Variants in CSMD1 observed in about 807,000 individuals in gnomAD.
The protein encoded by CSMD1 is CUB and sushi domain-containing protein 1.
Under a neutral mutation model 417.5 loss-of-function variants are expected in CSMD1, and 213 were observed. That is an observed-to-expected ratio of 0.51 (90% CI 0.46 to 0.57). The LOEUF (loss-of-function observed/expected upper bound fraction) is 0.57. Ranked by LOEUF, CSMD1 falls within the 20% of genes least tolerant of loss-of-function variation. CSMD1 has a pLI of 0.00. For missense variants in CSMD1, 6,923 were observed against 4,529.7 expected, an observed-to-expected ratio of 1.53 and a Z score of -15.17; for synonymous variants, 2,862 against 1,736.8, an observed-to-expected ratio of 1.65 and a Z score of -16.11.
rs113110036 is a variant in CSMD1 at position 3,480,127 on chromosome 8, G to C, written c.1449-11303C>G. Among the ~76,000 whole-genome samples, 5 of 152,256 alleles carry C rather than the reference G, an allele frequency of 3.3e-5. 1 individual carries two copies. The highest frequency in any genetic ancestry group is 1.2e-4 in the African/African-American group (5 of 41,552). On this transcript the variant is annotated intron_variant, in intron 11 of 69. Coordinates refer to ENST00000635120, the MANE Select transcript of CSMD1 (RefSeq NM_033225.6). ...TAATCTCAGCACTTTGGGAGGCCTA[G>C]GTGGATGGATTGCCTGAGCTCAGGA... is the stretch of plus-strand genomic sequence containing the variant.
At chr8:4,097,080 T>G (rs987942726) in intron 3 of CSMD1, among the ~76,000 whole-genome samples, 1 of 152,192 alleles carries the variant, frequency 6.6e-6, no homozygotes, top group Non-Finnish European at 1.5e-5. Flanking sequence ...TTTAATTATG[T>G]ACTACAAAAA....
At chr8:4,173,966 T>G (rs1289657871) in intron 3 of CSMD1, among the ~76,000 whole-genome samples, 3 of 152,122 alleles carry the variant, frequency 2.0e-5, no homozygotes, top group Non-Finnish European at 2.9e-5. Context: ...ACAAAAAACT[T>G]TCTCCTGACT....
intron 2 of CSMD1, among the ~76,000 whole-genome samples, chr8:4,583,254 C>A (rs556650888): frequency 6.6e-6 from 1 of 152,156 alleles, no homozygotes; most frequent in Non-Finnish European, 1.5e-5. Flanking sequence ...CACCTGCAGC[C>A]GTGGTGCGGG....
intron 12 of CSMD1, among the ~76,000 whole-genome samples, chr8:3,441,492 C>CATATATATATATATATGT (rs1554553652): frequency 6.9e-6 from 1 of 143,970 alleles, no homozygotes; most frequent in Non-Finnish European, 1.5e-5. Flanking sequence ...CATATAATTT[C>CATATATATATATATATGT]ATATATATAT....
intron 12 of CSMD1, among the ~76,000 whole-genome samples, chr8:3,444,843 A>G (rs1247422303): frequency 1.3e-5 from 2 of 152,320 alleles, no homozygotes; most frequent in South Asian, 2.1e-4. Context: ...AGTAAATACA[A>G]AAAGAAGCAA....
chr8:4,862,701 A>C (rs971029028), intron 1 of CSMD1, among the ~76,000 whole-genome samples: 1 of 152,106 alleles, frequency 6.6e-6, no homozygotes, highest in Middle Eastern at 3.2e-3. Context: ...AAGCAAGGCC[A>C]TGGGAGGAAC....
At chr8:3,057,380 T>G (rs1410042498) in intron 49 of CSMD1, among the ~76,000 whole-genome samples, 1 of 152,134 alleles carries the variant, frequency 6.6e-6, no homozygotes, top group African/African-American at 2.4e-5. Context: ...AAATTCAAAA[T>G]CAGGGTCATT....
chr8:3,866,078 T>C (rs1805081592), intron 5 of CSMD1, among the ~76,000 whole-genome samples: 1 of 152,190 alleles, frequency 6.6e-6, no homozygotes, highest in Non-Finnish European at 1.5e-5. Context: ...AAAAATTCTA[T>C]TCATGAGCTT....
chr8:4,306,863 C>G (rs1326555239), intron 3 of CSMD1, among the ~76,000 whole-genome samples: 1 of 151,890 alleles, frequency 6.6e-6, no homozygotes, highest in African/African-American at 2.4e-5. Flanking sequence ...TTTTCAATCT[C>G]TTTTTGCAAA....
intron 25 of CSMD1, among the ~76,000 whole-genome samples, chr8:3,299,562 G>A (rs1023295908): frequency 1.7e-5 from 1 of 58,142 alleles, no homozygotes; most frequent in Non-Finnish European, 4.3e-5. Flanking sequence ...CCAAGGTCTG[G>A]CAGATAAAAG....
At chr8:2,999,228 C>T (rs144485867) in intron 53 of CSMD1, among the ~76,000 whole-genome samples, 123 of 147,122 alleles carry the variant, frequency 8.4e-4, no homozygotes, top group South Asian at 5.1e-3. Context: ...GATCTCTGCT[C>T]ACTGCAACCT....
At chr8:4,047,006 T>G (rs2130669393) in intron 3 of CSMD1, among the ~76,000 whole-genome samples, 1 of 152,322 alleles carries the variant, frequency 6.6e-6, no homozygotes, top group African/African-American at 2.4e-5. Flanking sequence ...GATGCATGAC[T>G]TAGCCCTATA....
chr8:3,455,983 T>A (rs1197329576), intron 12 of CSMD1, among the ~76,000 whole-genome samples: 131 of 152,298 alleles, frequency 8.6e-4, no homozygotes, highest in Non-Finnish European at 1.6e-3. Context: ...CGGGCTGCTT[T>A]GTTTACCTAC....
chr8:3,815,793 T>C (rs1036255177), intron 5 of CSMD1, among the ~76,000 whole-genome samples: 6 of 152,238 alleles, frequency 3.9e-5, no homozygotes, highest in African/African-American at 1.4e-4. Context: ...AGTAGTGAGC[T>C]AGTGAACGGG....
intron 2 of CSMD1, among the ~76,000 whole-genome samples, chr8:4,490,911 A>T (rs1019115682): frequency 6.6e-6 from 1 of 152,208 alleles, no homozygotes; most frequent in South Asian, 2.1e-4. Flanking sequence ...TAGGACTATA[A>T]CTTATCACAG....
At chr8:4,030,775 T>A (rs540305174) in intron 4 of CSMD1, among the ~76,000 whole-genome samples, 17 of 152,320 alleles carry the variant, frequency 1.1e-4, no homozygotes, top group Admixed American at 9.1e-4. Flanking sequence ...GTTCATGAAC[T>A]TTTATGCTTT....
intron 5 of CSMD1, among the ~76,000 whole-genome samples, chr8:3,969,522 G>A (rs1218891890): frequency 6.6e-6 from 1 of 151,984 alleles, no homozygotes; most frequent in African/African-American, 2.4e-5. Flanking sequence ...TATTTAACTT[G>A]GTGAAATCTC....
chr8:4,732,844 T>G (rs534402849), intron 1 of CSMD1, among the ~76,000 whole-genome samples: 4 of 152,170 alleles, frequency 2.6e-5, no homozygotes, highest in African/African-American at 9.7e-5. Flanking sequence ...TGCAGGCTAG[T>G]TGACATCCAC....
chr8:4,165,326 G>T (rs1044032010), intron 3 of CSMD1, among the ~76,000 whole-genome samples: 1 of 152,226 alleles, frequency 6.6e-6, no homozygotes, highest in Non-Finnish European at 1.5e-5. Flanking sequence ...AGCTGTAGAA[G>T]CGCAAACACG....
Sources: gnomAD v4.1 joint callset for allele counts (sites outside exome capture counted in the v4.1 genomes callset) on GRCh38, gnomAD v4.1.1 for gene constraint, MANE v1.5 for transcripts, NCBI Gene and HGNC (gene_info 2026-07-23, HGNC 2026-07-21) for gene names.